Variants in ANO2 observed in about 807,000 individuals in gnomAD.
The protein encoded by ANO2 is anoctamin-2.
ANO2 carries 101 observed loss-of-function variants against 124.2 expected under a neutral mutation model. The observed-to-expected ratio is 0.81, with a 90% CI of 0.69 to 0.96. The LOEUF (loss-of-function observed/expected upper bound fraction) is 0.96. Ranked by LOEUF, ANO2 falls within the 40% of genes least tolerant of loss-of-function variation. ANO2 has a pLI of 0.00. For synonymous variants in ANO2, 486 were observed against 482.5 expected, an observed-to-expected ratio of 1.01 and a Z score of -0.09; for missense variants, 1,293 against 1,274.5, an observed-to-expected ratio of 1.01 and a Z score of -0.22.
intron 3 of ANO2, among the ~76,000 whole-genome samples, chr12:5,866,197 G>A (rs1955423247): frequency 6.6e-6 from 1 of 152,232 alleles, no homozygotes; most frequent in Non-Finnish European, 1.5e-5. Context: ...AGGGAAAGCA[G>A]CTTTCTCCTT....
intron 1 of ANO2, among the ~76,000 whole-genome samples, chr12:5,943,682 A>G (rs1317971473): frequency 6.6e-6 from 1 of 152,180 alleles, no homozygotes. Flanking sequence ...CAATTTTTAA[A>G]CAATACAGAT....
chr12:5,882,141 A>G (rs1183565524), intron 3 of ANO2, among the ~76,000 whole-genome samples: 7 of 152,220 alleles, frequency 4.6e-5, no homozygotes, highest in Admixed American at 4.6e-4. Context: ...AACAGTCAAA[A>G]GCATTTCTAG....
chr12:5,845,339 A>T (rs948602220), intron 4 of ANO2, among the ~76,000 whole-genome samples: 1 of 152,088 alleles, frequency 6.6e-6, no homozygotes, highest in African/African-American at 2.4e-5. Context: ...AGGCCGAGGC[A>T]GTTGGATCAC....
At chr12:5,840,662 C>T (rs979055387) in intron 4 of ANO2, among the ~76,000 whole-genome samples, 9 of 152,078 alleles carry the variant, frequency 5.9e-5, no homozygotes, top group African/African-American at 1.7e-4. Flanking sequence ...TCTGCAGAGG[C>T]CTAAGAGTGT....
chr12:5,868,837 T>C (rs970167999), intron 3 of ANO2, among the ~76,000 whole-genome samples: 1 of 152,030 alleles, frequency 6.6e-6, no homozygotes, highest in Non-Finnish European at 1.5e-5. Flanking sequence ...CTGCAGATGA[T>C]AACAAACTGG....
chr12:5,870,402 A>G (rs146261463), intron 3 of ANO2: 2 of 152,300 alleles, frequency 1.3e-5, no homozygotes, highest in African/African-American at 4.8e-5. Context: ...TGGCAACGTC[A>G]CACCTGAGTC....
chr12:5,773,577 C>T (rs1952145269), intron 10 of ANO2, among the ~76,000 whole-genome samples: 1 of 152,180 alleles, frequency 6.6e-6, no homozygotes, highest in South Asian at 2.1e-4. Flanking sequence ...TCTTTATCAT[C>T]GTGCTAATTC....
chr12:5,868,743 C>T (rs952293504), intron 3 of ANO2, among the ~76,000 whole-genome samples: 1 of 152,190 alleles, frequency 6.6e-6, no homozygotes, highest in African/African-American at 2.4e-5. Flanking sequence ...ACAGCCATGA[C>T]CCTGCATGCA....
rs117491953 is a variant in ANO2 at position 5,852,043 on chromosome 12, A to T, written c.633+2000T>A. On this transcript the variant is annotated intron_variant, in intron 4 of 24. Coordinates refer to ENST00000682330, the MANE Select transcript of ANO2 (RefSeq NM_001364791.2). ...GGTTAAGAGAACATTACACATTCAG[A>T]TAAACCAGAGAGAAAGGAGAATAAT... 1.8e-3 allele frequency: 1,302 copies of T among 706,100 alleles called. 3 individuals are homozygous for T. The highest frequency in any genetic ancestry group is 2.8e-3 in the Non-Finnish European group (1,094 of 385,904). 43.7% of individuals were successfully genotyped at this position (706,100 alleles called of 1,614,324 possible). A position where few individuals can be genotyped will look rare whatever the true frequency, so the allele number is the denominator to read the frequency against.
intron 20 of ANO2, chr12:5,583,903 A>G (rs1038878399): frequency 3.3e-5 from 7 of 214,832 alleles, no homozygotes; most frequent in Non-Finnish European, 6.1e-5. Context: ...ACCATGGTCA[A>G]CCTCACCACC....
chr12:5,584,851 T>G (rs1009089299), intron 20 of ANO2, among the ~76,000 whole-genome samples: 1 of 151,846 alleles, frequency 6.6e-6, no homozygotes, highest in African/African-American at 2.4e-5. Context: ...CATAAGAGAG[T>G]TCTCAACGTC....
In ANO2 at chr12:5,612,164, C is replaced by T. The variant is rs918242910; in HGVS notation, c.2087+492G>A. Among the ~76,000 whole-genome samples the T allele has an allele frequency of 5.3e-5, 8 of 152,162 alleles. No homozygotes were observed. In the East Asian group the frequency reaches 1.5e-3, roughly 29 times the overall value. Reference sequence around the variant, plus strand: ...ATTGAAAGAAGTCCTATGACATTTTCATAAAACCCTGGGGAGCATAGGGGG... The same window carrying T: ...ATTGAAAGAAGTCCTATGACATTTTTATAAAACCCTGGGGAGCATAGGGGG... On this transcript the variant is annotated intron_variant, in intron 19 of 24. Coordinates refer to ENST00000682330, the MANE Select transcript of ANO2 (RefSeq NM_001364791.2).
At chr12:5,775,683 G>T (rs557478955) in intron 10 of ANO2, among the ~76,000 whole-genome samples, 1 of 151,978 alleles carries the variant, frequency 6.6e-6, no homozygotes, top group Admixed American at 6.6e-5. Context: ...GGATGGTCTC[G>T]ATCTTCTGAC....
intron 14 of ANO2, among the ~76,000 whole-genome samples, chr12:5,726,038 G>A (rs1950424875): frequency 6.6e-6 from 1 of 151,778 alleles, no homozygotes; most frequent in African/African-American, 2.4e-5. Flanking sequence ...TTACCATCTT[G>A]TAGGAACAGA....
In ANO2 at chr12:5,707,981, A is replaced by T. The variant is rs548641936; in HGVS notation, c.1545+24539T>A. Among the ~76,000 whole-genome samples, 10 of 152,326 alleles carry T rather than the reference A, an allele frequency of 6.6e-5. No homozygotes were observed. The South Asian group carries it at 1.7e-3, about 25-fold the overall frequency. ...AGCTCTGGACCCAACTGCCTAAATG[A>T]CTTCTCCACATGGATATTTTATAAA... On this transcript the variant is annotated intron_variant, in intron 14 of 24. Transcript: ENST00000682330.
rs532342850 is a variant in ANO2, at chr12:5,801,080, G to C, written c.991-1509C>G. ...CAAACAAAAGAAGATGACAAGCTGT[G>C]TCAAATGTTGCTAATGGGTCAGGTC... On this transcript the variant is annotated intron_variant, in intron 9 of 24. Coordinates refer to ENST00000682330, the MANE Select transcript of ANO2 (RefSeq NM_001364791.2). Among the ~76,000 whole-genome samples the C allele has an allele frequency of 6.6e-5, 10 of 152,290 alleles. No homozygotes were observed. In the South Asian group the frequency reaches 2.1e-3, roughly 32 times the overall value.
intron 1 of ANO2, among the ~76,000 whole-genome samples, chr12:5,932,895 A>G (rs1380064875): frequency 6.6e-6 from 1 of 152,198 alleles, no homozygotes; most frequent in Non-Finnish European, 1.5e-5. Flanking sequence ...GCATGCAACT[A>G]GAAGAATTAA....
rs1379106221 is a variant in ANO2, at chr12:5,920,951, A to G, written c.534+89T>C. The G allele has an allele frequency of 2.9e-6, 4 of 1,372,646 alleles. No individual in the cohort carries two copies. In the African/African-American group the frequency reaches 4.3e-5, roughly 15 times the overall value. 85.0% of individuals were successfully genotyped at this position (1,372,646 alleles called of 1,614,324 possible). ...AAGTCCACCTGCCAGAATAAAGCCT[A>G]GGCTCTCTGTCAGGTGGCACTGCTC... is the stretch of plus-strand genomic sequence containing the variant. On this transcript the variant is annotated intron_variant, in intron 3 of 24. Transcript: ENST00000682330.
At chr12:5,639,171 G>T (rs963991816) in intron 15 of ANO2, among the ~76,000 whole-genome samples, 10 of 152,182 alleles carry the variant, frequency 6.6e-5, no homozygotes, top group African/African-American at 2.4e-4. Context: ...AGGGAAGAGG[G>T]GCAAGTAGCA....
Sources: allele counts gnomAD v4.1 joint callset (sites outside exome capture counted in the v4.1 genomes callset), GRCh38; gene constraint gnomAD v4.1.1; transcripts MANE v1.5; gene names NCBI Gene and HGNC (gene_info 2026-07-23, HGNC 2026-07-21).